The following ANKRD29 variants were observed in gnomAD, a reference collection of about 807,000 sequenced individuals.
The protein encoded by ANKRD29 is ankyrin repeat domain 29.
A neutral mutation model predicts 38.0 loss-of-function variants in ANKRD29; 32 were observed. That is an observed-to-expected ratio of 0.84 (90% CI 0.64 to 1.13). ANKRD29 has a LOEUF of 1.13. ANKRD29 is among the 50% of genes most tolerant of loss of function. The probability of loss-of-function intolerance (pLI) is 0.00; values close to 1 mark genes in which losing one functional copy is unlikely to be tolerated. For missense variants in ANKRD29, 357 were observed against 377.9 expected (o/e 0.94, Z 0.46); for synonymous variants, 135 against 152.4 (o/e 0.89, Z 0.84).
intron 1 of ANKRD29, among the ~76,000 whole-genome samples, chr18:23,659,697 C>T (rs1456711265): frequency 2.7e-5 from 4 of 150,194 alleles, no homozygotes; most frequent in Admixed American, 1.3e-4. Context: ...GAGCTGAGAT[C>T]GTGCCACTGT....
In ANKRD29 at chr18:23,601,128, T is replaced by C. The variant is rs1337612653; in HGVS notation, c.*98A>G. ...ACAGGATGGGCATTCTGGGCATCTT[T>C]TTTTTTCATAAAAGAATTTCCAACA... On this transcript the variant is annotated 3_prime_UTR_variant, in exon 10 of 10. Transcript: ENST00000592179. 1 of 1,137,862 alleles carries C rather than the reference T, an allele frequency of 8.8e-7. No homozygotes were observed. Among genetic ancestry groups the C allele is most frequent in the Non-Finnish European group, 1.3e-6 (1 of 788,250 alleles). 70.5% of individuals were successfully genotyped at this position (1,137,862 alleles called of 1,614,324 possible).
At chr18:23,646,096 T>C in intron 3 of ANKRD29, 93 bp downstream of exon 3, 2 of 1,169,672 alleles carry the variant, frequency 1.7e-6, no homozygotes, top group South Asian at 2.8e-5. Context: ...AGAAAAGCAA[T>C]GATGGCTCTT....
At chr18:23,649,815 C>T (rs2060188358) in intron 1 of ANKRD29, among the ~76,000 whole-genome samples, 1 of 152,010 alleles carries the variant, frequency 6.6e-6, no homozygotes, top group African/African-American at 2.4e-5. Flanking sequence ...CTGCAACCTC[C>T]CCTTCCTGGG....
intron 3 of ANKRD29, among the ~76,000 whole-genome samples, chr18:23,639,727 G>C (rs951429821): frequency 2.0e-5 from 3 of 152,032 alleles, no homozygotes; most frequent in African/African-American, 7.3e-5. Context: ...GTAGAAACAG[G>C]GTTTCACTAT....
chr18:23,637,642 C>A (rs560909436), intron 4 of ANKRD29, among the ~76,000 whole-genome samples: 1 of 152,222 alleles, frequency 6.6e-6, no homozygotes, highest in Non-Finnish European at 1.5e-5. Flanking sequence ...AAACTATCCT[C>A]CTGCCTCAGC....
intron 4 of ANKRD29, 144 bp downstream of exon 4, chr18:23,638,705 G>A: frequency 1.5e-6 from 1 of 663,210 alleles, no homozygotes; most frequent in Admixed American, 3.4e-5. Context: ...ACCACTACAA[G>A]TAACCTTGAG....
At chr18:23,661,857 C>A (rs2060366520) in intron 1 of ANKRD29, among the ~76,000 whole-genome samples, 1 of 152,226 alleles carries the variant, frequency 6.6e-6, no homozygotes, top group Admixed American at 6.5e-5. Flanking sequence ...ATCTTTGCAA[C>A]ATGCACATCT....
intron 1 of ANKRD29, among the ~76,000 whole-genome samples, chr18:23,658,663 A>C (rs1390092924): frequency 1.3e-5 from 2 of 152,184 alleles, no homozygotes; most frequent in South Asian, 2.1e-4. Context: ...GCATCCCCCC[A>C]AAAATTCATG....
At position 23,601,254 on chromosome 18, in the gene ANKRD29, C is replaced by A; in HGVS notation, c.878G>T (p.Arg293Ile). 6.2e-7 allele frequency: 1 copy of A among 1,614,060 alleles called. No individual in the cohort carries two copies. The highest frequency in any genetic ancestry group is 8.5e-7 in the Non-Finnish European group (1 of 1,179,998). The change falls in exon 10 of 10, where the codon AGA becomes ATA. Residue 293 changes from arginine to isoleucine, a missense_variant. Transcript: ENST00000592179. ...TKNERILRLL[R>I]SKEGPRKS ...GCTCTTTCTGGGACCTTCTTTACTT[C>A]TCAGGAGACGCAATATACGTTCATT... is the stretch of plus-strand genomic sequence containing the variant.
rs2059720931 is a variant in ANKRD29, at chr18:23,616,552, ATATATATATATACACTATATATACAG to A, written c.723+1154_723+1179del. 5.7e-5 allele frequency among the ~76,000 whole-genome samples: 8 copies of A among 139,604 alleles called. 1 individual carries two copies. The highest frequency in any genetic ancestry group is 1.7e-4 in the African/African-American group (6 of 36,002). 91.6% of individuals were successfully genotyped at this position (139,604 alleles called of 152,430 possible). A position where few individuals can be genotyped will look rare whatever the true frequency, so the allele number is the denominator to read the frequency against. On this transcript the variant is annotated intron_variant, in intron 8 of 9. Transcript: ENST00000592179. ...TAAATTTATACTATATATATATAGT[ATATATATATATACACTATATATACAG>A]TATATATATATATATACTATATATA...
At chr18:23,613,744 C>T (rs1411064284) in intron 8 of ANKRD29, among the ~76,000 whole-genome samples, 2 of 151,644 alleles carry the variant, frequency 1.3e-5, no homozygotes, top group African/African-American at 2.4e-5. Context: ...GCACTACAGG[C>T]GCCCGCCACA....
At position 23,630,518 on chromosome 18, in the gene ANKRD29, G is replaced by A. The variant is rs563561399; in HGVS notation, c.430-567C>T. 2.0e-5 allele frequency among the ~76,000 whole-genome samples: 3 copies of A among 152,232 alleles called. No individual in the cohort carries two copies. The South Asian group carries it at 6.2e-4, about 32-fold the overall frequency. On this transcript the variant is annotated intron_variant, in intron 5 of 9. Transcript: ENST00000592179. ...TACCTGTAATCCCAGGTACTCGGGAGGCTGAGGCAGAAGAATCTCTTGAAC... is the reference window on the plus strand; with the variant it reads ...TACCTGTAATCCCAGGTACTCGGGAAGCTGAGGCAGAAGAATCTCTTGAAC...
rs2059498333 is a variant in ANKRD29, at chr18:23,600,537, A to G, written c.*689T>C. 1 of 152,644 alleles carries G rather than the reference A, an allele frequency of 6.6e-6. No homozygotes were observed. The highest frequency in any genetic ancestry group is 2.4e-5 in the African/African-American group (1 of 41,474). The allele number at this position is 152,644 out of a possible 1,614,324, so 9.5% of individuals were successfully genotyped here. On this transcript the variant is annotated 3_prime_UTR_variant, in exon 10 of 10. Coordinates refer to ENST00000592179, the MANE Select transcript of ANKRD29 (RefSeq NM_173505.4). ...TTAACCTACCTACAATGTTGACTCT[A>G]CGTAAAATTGATTTTTACATGTCAG...
intron 6 of ANKRD29, 64 bp downstream of exon 6, chr18:23,629,789 G>A (rs1568026698): frequency 8.9e-6 from 12 of 1,343,174 alleles, no homozygotes; most frequent in Middle Eastern, 2.1e-4. Flanking sequence ...TGCTGCCAGC[G>A]GACACCCAGC....
chr18:23,641,264 G>A lies in ANKRD29; in HGVS notation c.232-2317C>T, dbSNP rs556999191. ...CCATCCCCTATTGAGTTGGCTGTGC[G>A]GGAGCAGCCATGCCCAGCTGCAGCT... On this transcript the variant is annotated intron_variant, in intron 3 of 9. Transcript: ENST00000592179. 5.9e-5 allele frequency among the ~76,000 whole-genome samples: 9 copies of A among 152,310 alleles called. No homozygotes were observed. The East Asian group carries it at 1.5e-3, about 26-fold the overall frequency.
At chr18:23,609,977 C>T (rs78444361) in intron 9 of ANKRD29, among the ~76,000 whole-genome samples, 3,589 of 152,086 alleles carry the variant, frequency 0.024, 143 homozygotes, top group African/African-American at 0.082. Context: ...AAAAAGTGAC[C>T]CCTGGCATGT....
intron 8 of ANKRD29, among the ~76,000 whole-genome samples, chr18:23,614,393 T>C (rs1046050912): frequency 6.6e-6 from 1 of 152,222 alleles, no homozygotes; most frequent in Non-Finnish European, 1.5e-5. Context: ...AAAGAGCTGT[T>C]TGAAACAAGA....
intron 3 of ANKRD29, among the ~76,000 whole-genome samples, chr18:23,643,001 T>C (rs924362635): frequency 6.6e-6 from 1 of 152,204 alleles, no homozygotes; most frequent in Admixed American, 6.5e-5. Context: ...AGGCAACCCT[T>C]TTCCTTTCCA....
In ANKRD29 at chr18:23,622,549, G is replaced by GAA. The variant is rs1367336423; in HGVS notation, c.529-2922_529-2921dup. Among the ~76,000 whole-genome samples, 141 of 152,254 alleles carry GAA rather than the reference G, an allele frequency of 9.3e-4. 2 individuals carry two copies. Among genetic ancestry groups the GAA allele is most frequent in the Middle Eastern group, 3.4e-3 (1 of 294 alleles). ...AAAGTGCTAAAAGGTGCTATATTGT[G>GAA]AAAAATTATCTATCTATCTACCTAC... On this transcript the variant is annotated intron_variant, in intron 6 of 9. Coordinates refer to ENST00000592179, the MANE Select transcript of ANKRD29 (RefSeq NM_173505.4).
Sources: allele counts gnomAD v4.1 joint callset (sites outside exome capture counted in the v4.1 genomes callset), GRCh38; gene constraint gnomAD v4.1.1; transcripts MANE v1.5; gene names NCBI Gene and HGNC (gene_info 2026-07-23, HGNC 2026-07-21).